PLEKHM1: variants seen among roughly 807,000 people sequenced by gnomAD.
PLEKHM1 encodes the protein pleckstrin homology domain-containing family M member 1.
A neutral mutation model predicts 94.3 loss-of-function variants in PLEKHM1; 28 were observed. The ratio of observed to expected loss-of-function variants is 0.30; its 90% CI spans 0.22 to 0.41. The LOEUF is 0.41. PLEKHM1 is among the 10% of genes least tolerant of loss of function. The pLI is 1.00. For synonymous variants in PLEKHM1, 424 were observed against 581.2 expected (o/e 0.73, Z 3.89); for missense variants, 907 against 1,358.6 (o/e 0.67, Z 5.22).
rs539427179 is a variant in PLEKHM1, at chr17:45,478,130, C to G, written c.66G>C (p.Leu22=). Residue 22 remains leucine, a synonymous_variant, in exon 3 of 12, where the codon CTG becomes CTC. Coordinates refer to ENST00000430334, the MANE Select transcript of PLEKHM1 (RefSeq NM_014798.3). ...QAAIPVIKKK[L]VGSVKALQKQ... ...TCTGCAAGGCCTTCACGGATCCCAC[C>G]AGCTTCTTCTTGATGACCTAGGCAG... The G allele has an allele frequency of 3.7e-6, 6 of 1,614,220 alleles. No individual in the cohort carries two copies. Among genetic ancestry groups the G allele is most frequent in the South Asian group, 1.1e-5 (1 of 91,084 alleles).
chr17:45,479,688 A>AAAAACAAAAC (rs56104486), intron 2 of PLEKHM1, among the ~76,000 whole-genome samples: 18,808 of 151,234 alleles, frequency 0.12, 1,512 homozygotes, highest in Middle Eastern at 0.21. Flanking sequence ...TCCATCTCAG[A>AAAAACAAAAC]AAAACAAAAC....
rs1158480121 is a variant in PLEKHM1 at position 45,445,794 on chromosome 17, T to C, written c.2644-131A>G. ...ATTTTACAGATGGGGAAACTGAGGCTCAAGGAGATGAAGAGATTTGGCTAG... is the reference window on the plus strand; with the variant it reads ...ATTTTACAGATGGGGAAACTGAGGCCCAAGGAGATGAAGAGATTTGGCTAG... On this transcript the variant is annotated intron_variant, in intron 8 of 11. Coordinates refer to ENST00000430334, the MANE Select transcript of PLEKHM1 (RefSeq NM_014798.3). The surrounding 1 kb of genome is among the most constrained non-coding windows in gnomAD (Gnocchi z 4.2). 1.4e-6 allele frequency: 1 copy of C among 694,696 alleles called. No homozygotes were observed. The highest frequency in any genetic ancestry group is 2.6e-6 in the Non-Finnish European group (1 of 388,350). The allele number at this position is 694,696 out of a possible 1,614,324, so 43.0% of individuals were successfully genotyped here. A position where few individuals can be genotyped will look rare whatever the true frequency, so the allele number is the denominator to read the frequency against.
Position 45,437,869 on chromosome 17 carries a change from T to G in PLEKHM1, c.3160A>C (p.Ile1054Leu). The G allele has an allele frequency of 6.2e-7, 1 of 1,613,752 alleles. No individual in the cohort carries two copies. The stretch of plus-strand genomic sequence containing the variant: ...TCAGCAGATGGGCATCAGGCGAAAA[T>G]GTTCTGTTCCTGGTACTTGCGCCGG... ...ARRRKYQEQN[I>L]FA The change falls in exon 12 of 12, where the codon ATT becomes CTT. Residue 1054 changes from isoleucine to leucine, a missense_variant. By Grantham distance (5) the Ile-to-Leu change is conservative. This residue lies in a region of PLEKHM1 where 254 missense variants were observed against 451.1 expected (regional missense o/e 0.56). Coordinates refer to ENST00000430334, the MANE Select transcript of PLEKHM1 (RefSeq NM_014798.3). This position sits in a 1 kb window ranked among gnomAD's most constrained non-coding sequence, Gnocchi z 4.0.
chr17:45,439,751 G>A (rs2050383881), intron 10 of PLEKHM1, 117 bp from the exon 11 acceptor site: 2 of 1,354,306 alleles, frequency 1.5e-6, no homozygotes, highest in Admixed American at 3.6e-5. Context: ...CACCCTGCCT[G>A]GAGAACTTCT....
chr17:45,447,558 G>T (rs1308013031), intron 8 of PLEKHM1, among the ~76,000 whole-genome samples: 2 of 152,106 alleles, frequency 1.3e-5, no homozygotes, highest in Non-Finnish European at 2.9e-5. Flanking sequence ...ACAGAAAGAA[G>T]CCCCACTCCT....
At position 45,454,029 on chromosome 17, in the gene PLEKHM1, G is replaced by A; in HGVS notation, c.1823C>T (p.Ser608Phe). The A allele has an allele frequency of 1.2e-6, 2 of 1,614,124 alleles. No individual in the cohort carries two copies. The highest frequency in any genetic ancestry group is 1.7e-6 in the Non-Finnish European group (2 of 1,179,980). Reference sequence around the variant, plus strand: ...CCAGTCCTCAGCTTCGTCCTGGGAGGAGGCGCGCAGGGCCAGCTTCTTGCC... The same window carrying A: ...CCAGTCCTCAGCTTCGTCCTGGGAGAAGGCGCGCAGGGCCAGCTTCTTGCC... Reference protein sequence around the residue: ...FSGKKLALRASSQDEAEDWLD... With the variant: ...FSGKKLALRAFSQDEAEDWLD... Residue 608 changes from serine (S) to phenylalanine (F), a missense_variant, in exon 7 of 12, where the codon TCC (serine) becomes TTC (phenylalanine). Around this residue, in one of 3 missense-constraint regions of PLEKHM1, gnomAD observed 477 missense variants for 601.5 expected, o/e 0.79. Coordinates refer to ENST00000430334, the MANE Select transcript of PLEKHM1 (RefSeq NM_014798.3).
chr17:45,472,788 G>A (rs1460562754), intron 4 of PLEKHM1, among the ~76,000 whole-genome samples: 2 of 152,136 alleles, frequency 1.3e-5, no homozygotes, highest in Non-Finnish European at 2.9e-5. Context: ...AACAGGACTC[G>A]AAACTAGGTC....
intron 8 of PLEKHM1, among the ~76,000 whole-genome samples, chr17:45,446,441 G>T (rs994733647): frequency 3.3e-5 from 5 of 152,138 alleles, no homozygotes; most frequent in African/African-American, 1.2e-4. Context: ...TGCAGAACCT[G>T]CCAGGTTTGA....
intron 8 of PLEKHM1, among the ~76,000 whole-genome samples, chr17:45,450,142 C>CAT (rs2050734515): frequency 6.6e-6 from 1 of 151,686 alleles, no homozygotes. Context: ...TCCACCTAGC[C>CAT]ACCTGCTCAT....
intron 3 of PLEKHM1, among the ~76,000 whole-genome samples, chr17:45,476,464 C>A (rs572940236): frequency 2.0e-5 from 3 of 151,860 alleles, no homozygotes; most frequent in Non-Finnish European, 2.9e-5. Context: ...CAGCATGTGG[C>A]GGAAAAGTGG....
In PLEKHM1 at chr17:45,458,255, C is replaced by A. The variant is rs772531601; in HGVS notation, c.1493G>T (p.Cys498Phe). 1 of 1,611,482 alleles carries A rather than the reference C, an allele frequency of 6.2e-7. No homozygotes were observed. The highest frequency in any genetic ancestry group is 1.7e-5 in the Admixed American group (1 of 59,690). The change falls in exon 6 of 12, where the codon TGT becomes TTT. Residue 498 changes from cysteine to phenylalanine, a missense_variant. Physicochemically the swap from Cys to Phe is radical, Grantham distance 205 (BLOSUM62 -2). Coordinates refer to ENST00000430334, the MANE Select transcript of PLEKHM1 (RefSeq NM_014798.3). ...TTGCCTTCTTCCTGGGGAAGGTACA[C>A]ACGCTTGGTCTAACGCCCCCAGGGA... ...NCSLGALDQACVPSPGRRQAQ... is the reference protein window; with the variant it reads ...NCSLGALDQAFVPSPGRRQAQ...
chr17:45,444,219 G>T lies in PLEKHM1; in HGVS notation c.2837+1251C>A, dbSNP rs550108651. ...TGGAGGGGCTTGTGAACTGGTCCCTGCCCCCAGAAACCCAGCAGAGGTTGA... is the reference window on the plus strand; with the variant it reads ...TGGAGGGGCTTGTGAACTGGTCCCTTCCCCCAGAAACCCAGCAGAGGTTGA... On this transcript the variant is annotated intron_variant, in intron 9 of 11. Transcript: ENST00000430334. This position sits in a 1 kb window ranked among gnomAD's most constrained non-coding sequence, Gnocchi z 5.0. Among the ~76,000 whole-genome samples the T allele has an allele frequency of 5.1e-4, 77 of 152,292 alleles. No homozygotes were observed. Among genetic ancestry groups the T allele is most frequent in the African/African-American group, 1.6e-3 (68 of 41,546 alleles).
chr17:45,450,619 G>T lies in PLEKHM1; in HGVS notation c.2642C>A (p.Pro881Gln), dbSNP rs941297306. 5.6e-6 allele frequency: 9 copies of T among 1,613,542 alleles called. No homozygotes were observed. Among genetic ancestry groups the T allele is most frequent in the Non-Finnish European group, 7.6e-6 (9 of 1,179,814 alleles). ...IIHNWDLTKRPICRQALKFLT... is the reference protein window; with the variant it reads ...IIHNWDLTKRQICRQALKFLT... ...TGGGCTGCTGGGCTTGAGACTTACCGGGCGCTTGGTGAGGTCCCAGTTGTG... is the reference window on the plus strand; with the variant it reads ...TGGGCTGCTGGGCTTGAGACTTACCTGGCGCTTGGTGAGGTCCCAGTTGTG... The change falls in exon 8 of 12, where the codon CCG becomes CAG. Residue 881 changes from proline (P) to glutamine (Q), a missense_variant and splice_region_variant. Physicochemically the swap from Pro to Gln is moderately conservative, Grantham distance 76. This residue lies in a region of PLEKHM1 where 254 missense variants were observed against 451.1 expected (regional missense o/e 0.56). Coordinates refer to ENST00000430334, the MANE Select transcript of PLEKHM1 (RefSeq NM_014798.3).
chr17:45,447,680 G>A (rs1479390956), intron 8 of PLEKHM1, among the ~76,000 whole-genome samples: 2 of 152,094 alleles, frequency 1.3e-5, no homozygotes, highest in South Asian at 2.1e-4. Context: ...CCCCAAACCC[G>A]TGGGCCCCCT....
chr17:45,438,833 AGGC>A (rs2050350836), intron 11 of PLEKHM1, among the ~76,000 whole-genome samples: 2 of 152,212 alleles, frequency 1.3e-5, no homozygotes, highest in Non-Finnish European at 2.9e-5. Flanking sequence ...GTGGGATTAC[AGGC>A]GTGAGCCACC....
chr17:45,449,188 G>A (rs1482399257), intron 8 of PLEKHM1, among the ~76,000 whole-genome samples: 1 of 150,382 alleles, frequency 6.6e-6, no homozygotes, highest in Non-Finnish European at 1.5e-5. Flanking sequence ...GCCTCATAGG[G>A]TTGGCAAAGG....
At chr17:45,467,770 C>A (rs9892567) in intron 5 of PLEKHM1, among the ~76,000 whole-genome samples, 5,673 of 152,048 alleles carry the variant, frequency 0.037, 343 homozygotes, top group African/African-American at 0.13. Flanking sequence ...GAAAAAAATA[C>A]CAAAAACCAA....
At chr17:45,467,785 C>A (rs1470423729) in intron 5 of PLEKHM1, among the ~76,000 whole-genome samples, 12 of 152,000 alleles carry the variant, frequency 7.9e-5, no homozygotes, top group African/African-American at 2.7e-4. Context: ...AACCAAAAAT[C>A]AAAAAATATT....
rs201892438 is a variant in PLEKHM1, at chr17:45,486,227, AG to A, written c.-41-3703del. ...GAGAGACTCCGTCTCAAAAAAAAAA[AG>A]ATAAAATAAAAAAATAATAATAATA... On this transcript the variant is annotated intron_variant, in intron 1 of 11. Transcript: ENST00000430334. Among the ~76,000 whole-genome samples, 195 of 142,108 alleles carry A rather than the reference AG, an allele frequency of 1.4e-3. 7 individuals carry two copies. Among genetic ancestry groups the A allele is most frequent in the Middle Eastern group, 4.0e-3 (1 of 248 alleles). 93.2% of individuals were successfully genotyped at this position (142,108 alleles called of 152,430 possible). A position where few individuals can be genotyped will look rare whatever the true frequency, so the allele number is the denominator to read the frequency against.
Sources: gnomAD v4.1 joint callset for allele counts (sites outside exome capture counted in the v4.1 genomes callset) on GRCh38, gnomAD v4.1.1 for gene constraint, gnomAD v4.1.1 regional missense constraint, Gnocchi (gnomAD v3.1) non-coding constraint, MANE v1.5 for transcripts, NCBI Gene and HGNC (gene_info 2026-07-23, HGNC 2026-07-21) for gene names.